Variants in RUNDC3B observed in about 807,000 individuals in gnomAD.
RUNDC3B encodes RUN domain containing 3B, also known as RUN domain-containing protein 3B.
RUNDC3B carries 33 observed loss-of-function variants against 58.4 expected under a neutral mutation model. That is an observed-to-expected ratio of 0.56 (90% CI 0.43 to 0.75). RUNDC3B has a LOEUF of 0.75. Ranked by LOEUF, RUNDC3B falls within the 30% of genes least tolerant of loss-of-function variation. The pLI, the probability that RUNDC3B is intolerant of heterozygous loss-of-function variation, is 0.00. For synonymous variants in RUNDC3B, 193 were observed against 195.2 expected (o/e 0.99, Z 0.10); for missense variants, 501 against 535.7 (o/e 0.94, Z 0.64).
In RUNDC3B at chr7:87,697,471, T is replaced by A. The variant is rs921647790; in HGVS notation, c.239-2950T>A. ...GAAAATGAGTTGAAGTTAGAAACATTTGAGGAAGTAACTTTAGAATGGTTG... is the reference window on the plus strand; with the variant it reads ...GAAAATGAGTTGAAGTTAGAAACATATGAGGAAGTAACTTTAGAATGGTTG... On this transcript the variant is annotated intron_variant, in intron 2 of 10. Transcript: ENST00000394654. Among the ~76,000 whole-genome samples the A allele has an allele frequency of 2.0e-5, 3 of 152,268 alleles. No individual in the cohort carries two copies. In the South Asian group the frequency reaches 6.2e-4, roughly 32 times the overall value.
At chr7:87,737,357 A>G (rs1307173093) in intron 4 of RUNDC3B, among the ~76,000 whole-genome samples, 1 of 152,136 alleles carries the variant, frequency 6.6e-6, no homozygotes, top group Non-Finnish European at 1.5e-5. Flanking sequence ...CAATTTTTCA[A>G]TGAGGTAAAA....
At chr7:87,773,658 C>CTTGTT (rs10699526) in intron 7 of RUNDC3B, among the ~76,000 whole-genome samples, 56,101 of 147,118 alleles carry the variant, frequency 0.38, 12,984 homozygotes, top group African/African-American at 0.66. Flanking sequence ...TTTGTCTTGT[C>CTTGTT]TTGTTTTGTT....
At chr7:87,813,937 C>T (rs1277904618) in intron 9 of RUNDC3B, among the ~76,000 whole-genome samples, 6 of 150,618 alleles carry the variant, frequency 4.0e-5, no homozygotes, top group African/African-American at 1.5e-4. Flanking sequence ...GCGGAGATCG[C>T]GCCACTGCAC....
At chr7:87,646,547 A>C (rs948503669) in intron 1 of RUNDC3B, among the ~76,000 whole-genome samples, 2 of 152,182 alleles carry the variant, frequency 1.3e-5, no homozygotes, top group Admixed American at 1.3e-4. Flanking sequence ...AGCAGTGTGG[A>C]TGCAGAGTTA....
intron 8 of RUNDC3B, among the ~76,000 whole-genome samples, chr7:87,791,708 A>T (rs1209863397): frequency 6.6e-6 from 1 of 152,104 alleles, no homozygotes; most frequent in Non-Finnish European, 1.5e-5. Context: ...ATTGAAAAAC[A>T]TAAAACAGAT....
chr7:87,795,511 C>T (rs1177669484), intron 8 of RUNDC3B, among the ~76,000 whole-genome samples: 1 of 152,082 alleles, frequency 6.6e-6, no homozygotes, highest in African/African-American at 2.4e-5. Flanking sequence ...GTAAACTAAA[C>T]CCTTGTACAC....
At chr7:87,692,853 G>A (rs1366350424) in intron 2 of RUNDC3B, among the ~76,000 whole-genome samples, 1 of 152,178 alleles carries the variant, frequency 6.6e-6, no homozygotes, top group Non-Finnish European at 1.5e-5. Flanking sequence ...GTCGTACCAA[G>A]TTATAGATCC....
rs559768907 is a variant in RUNDC3B at position 87,666,581 on chromosome 7, G to A, written c.238+15644G>A. Among the ~76,000 whole-genome samples the A allele has an allele frequency of 1.6e-4, 25 of 152,086 alleles. No homozygotes were observed. In the South Asian group the frequency reaches 5.0e-3, roughly 30 times the overall value. ...CTCTGCCCATTCCTATGTCCAGGAT[G>A]GTATTTCCTATGTAAACTTCCATGG... On this transcript the variant is annotated intron_variant, in intron 2 of 10. Coordinates refer to ENST00000394654, the MANE Select transcript of RUNDC3B (RefSeq NM_001134405.2).
In RUNDC3B at chr7:87,700,486, C is replaced by G; in HGVS notation, c.304C>G (p.Arg102Gly). Residue 102 changes from arginine (R) to glycine (G), a missense_variant, in exon 3 of 11, where the codon CGG becomes GGG. Physicochemically the swap from Arg to Gly is moderately radical, Grantham distance 125 (BLOSUM62 -2). Coordinates refer to ENST00000394654, the MANE Select transcript of RUNDC3B (RefSeq NM_001134405.2). Reference protein sequence around the residue: ...SFWDYIRVACRKVSQNCICSI... With the variant: ...SFWDYIRVACGKVSQNCICSI... ...CTGGGACTATATCAGAGTGGCTTGC[C>G]GGAAAGTTTCACAGAATTGTATCTG... The G allele has an allele frequency of 1.9e-6, 3 of 1,613,154 alleles. No individual in the cohort carries two copies. Among genetic ancestry groups the G allele is most frequent in the Non-Finnish European group, 2.5e-6 (3 of 1,179,546 alleles).
Position 87,741,344 on chromosome 7 carries a change from G to A in RUNDC3B, c.549-155G>A, listed in dbSNP as rs181072202. 9.1e-4 allele frequency among the ~76,000 whole-genome samples: 138 copies of A among 152,110 alleles called. 1 individual carries two copies. Among genetic ancestry groups the A allele is most frequent in the South Asian group, 2.5e-3 (12 of 4,804 alleles). ...TGAAGGTAGAATATTTTATTCAGGC[G>A]TTTATTTCTGACAAGTAACAATTAA... On this transcript the variant is annotated intron_variant, in intron 5 of 10. Coordinates refer to ENST00000394654, the MANE Select transcript of RUNDC3B (RefSeq NM_001134405.2).
At chr7:87,641,763 T>C (rs1284111400) in intron 1 of RUNDC3B, among the ~76,000 whole-genome samples, 2 of 152,254 alleles carry the variant, frequency 1.3e-5, no homozygotes, top group Non-Finnish European at 2.9e-5. Context: ...TTTGTTGTTT[T>C]AGCTAAGTAA....
At chr7:87,782,764 T>C (rs1452604766) in intron 8 of RUNDC3B, among the ~76,000 whole-genome samples, 1 of 152,160 alleles carries the variant, frequency 6.6e-6, no homozygotes, top group Non-Finnish European at 1.5e-5. Flanking sequence ...CCAATGTGAT[T>C]GTGTGATTTT....
At chr7:87,778,079 C>A in intron 8 of RUNDC3B, 124 bp downstream of exon 8, 2 of 761,672 alleles carry the variant, frequency 2.6e-6, no homozygotes, top group East Asian at 2.7e-5. Flanking sequence ...TTCACCTACA[C>A]TTTTTTGAAA....
At chr7:87,795,289 C>G (rs139620108) in intron 8 of RUNDC3B, among the ~76,000 whole-genome samples, 146 of 152,154 alleles carry the variant, frequency 9.6e-4, no homozygotes, top group African/African-American at 3.5e-3. Context: ...GGAAAAAAAT[C>G]AAATTATCTG....
At chr7:87,668,816 T>C (rs1825534802) in intron 2 of RUNDC3B, among the ~76,000 whole-genome samples, 1 of 152,204 alleles carries the variant, frequency 6.6e-6, no homozygotes, top group Non-Finnish European at 1.5e-5. Context: ...TGACTTCTAT[T>C]TTTATTGCTC....
Position 87,732,969 on chromosome 7 carries a change from A to T in RUNDC3B, c.459-6822A>T, listed in dbSNP as rs565669514. Among the ~76,000 whole-genome samples, 10 of 152,340 alleles carry T rather than the reference A, an allele frequency of 6.6e-5. No individual in the cohort carries two copies. The East Asian group carries it at 1.9e-3, about 29-fold the overall frequency. On this transcript the variant is annotated intron_variant, in intron 4 of 10. Transcript: ENST00000394654. ...ATATTAATCAGCAGTAACAATTGCA[A>T]CAAAAGCTGGTTACAAACAATCCAT... is the stretch of plus-strand genomic sequence containing the variant.
At position 87,829,942 on chromosome 7, in the gene RUNDC3B, G is replaced by A; in HGVS notation, c.1283G>A (p.Ser428Asn). 6.2e-7 allele frequency: 1 copy of A among 1,608,812 alleles called. No homozygotes were observed. Among genetic ancestry groups the A allele is most frequent in the Non-Finnish European group, 8.5e-7 (1 of 1,176,624 alleles). ...GLCGSLTSVA[S>N]YKSLTSLKSN... ...TGTGGATCTCTAACGTCAGTGGCAA[G>A]TTACAAGTCTCTAACAAGCTTAAAA... Residue 428 changes from serine to asparagine, a missense_variant, in exon 11 of 11, where the codon AGT becomes AAT. Physicochemically the swap from Ser to Asn is conservative, Grantham distance 46. Transcript: ENST00000394654.
At chr7:87,789,443 A>G (rs1043264448) in intron 8 of RUNDC3B, among the ~76,000 whole-genome samples, 2 of 152,228 alleles carry the variant, frequency 1.3e-5, no homozygotes, top group African/African-American at 2.4e-5. Context: ...ACAAACCATA[A>G]GTCAGTGATA....
At chr7:87,660,659 ATCT>A (rs1824607149) in intron 2 of RUNDC3B, among the ~76,000 whole-genome samples, 1 of 151,612 alleles carries the variant, frequency 6.6e-6, no homozygotes, top group African/African-American at 2.4e-5. Flanking sequence ...CCTCTGTTAT[ATCT>A]TCTTTGGCTC....
Sources: gnomAD v4.1 joint callset for allele counts (sites outside exome capture counted in the v4.1 genomes callset) on GRCh38, gnomAD v4.1.1 for gene constraint, MANE v1.5 for transcripts, NCBI Gene and HGNC (gene_info 2026-07-23, HGNC 2026-07-21) for gene names.